ZNF804B: variants seen among roughly 807,000 people sequenced by gnomAD.
ZNF804B encodes the protein zinc finger 804B.
In ZNF804B, 80 loss-of-function variants were observed where a neutral mutation model predicts 101.4. That is an observed-to-expected ratio of 0.79 (90% CI 0.66 to 0.95). The LOEUF is 0.95. Among genes scored for constraint, ZNF804B ranks in the 40% least tolerant of loss-of-function variants. The pLI is 0.00. For synonymous variants in ZNF804B, 622 were observed against 558.8 expected, an observed-to-expected ratio of 1.11 and a Z score of -1.59; for missense variants, 1,673 against 1,561.9, an observed-to-expected ratio of 1.07 and a Z score of -1.20.
At chr7:89,248,600 A>G (rs1215266326) in intron 2 of ZNF804B, among the ~76,000 whole-genome samples, 1 of 152,190 alleles carries the variant, frequency 6.6e-6, no homozygotes, top group Non-Finnish European at 1.5e-5. Flanking sequence ...AAGGCAATTT[A>G]TAATCACTAG....
chr7:88,817,330 T>A (rs1390793579), intron 1 of ZNF804B, among the ~76,000 whole-genome samples: 1 of 152,094 alleles, frequency 6.6e-6, no homozygotes, highest in African/African-American at 2.4e-5. Context: ...TGTATACATA[T>A]GTAACAAACC....
chr7:88,808,671 A>G lies in ZNF804B; in HGVS notation c.108+48587A>G, dbSNP rs184718131. Among the ~76,000 whole-genome samples the G allele has an allele frequency of 8.5e-5, 13 of 152,286 alleles. No individual in the cohort carries two copies. In the East Asian group the frequency reaches 2.1e-3, roughly 25 times the overall value. On this transcript the variant is annotated intron_variant, in intron 1 of 3. Transcript: ENST00000333190. ...AGCTGTGAAAAATATGTAAAATACA[A>G]TGAAATTTTGGTCCTCCTGGAAAAG...
chr7:88,794,096 A>T, intron 1 of ZNF804B: 1 of 1,112,380 alleles, frequency 9.0e-7, no homozygotes, highest in Non-Finnish European at 1.3e-6. Flanking sequence ...TTTCTTTTAA[A>T]AGACACCAGT....
At chr7:88,885,229 G>A (rs1792108385) in intron 1 of ZNF804B, among the ~76,000 whole-genome samples, 1 of 151,846 alleles carries the variant, frequency 6.6e-6, no homozygotes, top group African/African-American at 2.4e-5. Context: ...CTTCCTCAGA[G>A]CAGGAATTTT....
intron 1 of ZNF804B, among the ~76,000 whole-genome samples, chr7:89,204,555 T>C (rs1404722471): frequency 6.6e-6 from 1 of 152,136 alleles, no homozygotes; most frequent in Non-Finnish European, 1.5e-5. Context: ...AGGTCCTGCT[T>C]TTCCGGAGGG....
chr7:89,175,897 C>G (rs1791310067), intron 1 of ZNF804B, among the ~76,000 whole-genome samples: 1 of 151,738 alleles, frequency 6.6e-6, no homozygotes, highest in Admixed American at 6.6e-5. Flanking sequence ...ACCAATTTTT[C>G]TATAATGACT....
chr7:88,936,111 T>A (rs10245027), intron 1 of ZNF804B, among the ~76,000 whole-genome samples: 14,861 of 144,346 alleles, frequency 0.1, 1,068 homozygotes, highest in East Asian at 0.21. Context: ...CTTTTTTTTT[T>A]TAAAAAAAAT....
rs1792574867 is a variant in ZNF804B, at chr7:88,913,177, TTTC to T, written c.108+153094_108+153096del. Among the ~76,000 whole-genome samples, 5 of 152,310 alleles carry T rather than the reference TTTC, an allele frequency of 3.3e-5. No homozygotes were observed. In the South Asian group the frequency reaches 1.0e-3, roughly 32 times the overall value. ...TGGCATATATTCTCATTTATTTAAT[TTTC>T]ACTTTGCTGTATGATTCCTACCAGT... On this transcript the variant is annotated intron_variant, in intron 1 of 3. Coordinates refer to ENST00000333190, the MANE Select transcript of ZNF804B (RefSeq NM_181646.5).
chr7:89,152,394 T>C (rs917158449), intron 1 of ZNF804B, among the ~76,000 whole-genome samples: 1 of 151,978 alleles, frequency 6.6e-6, no homozygotes, highest in Non-Finnish European at 1.5e-5. Context: ...AAGGAAACAG[T>C]TGTCAGAAGT....
In ZNF804B at chr7:89,070,640, G is replaced by A. The variant is rs1412252029; in HGVS notation, c.109-147515G>A. On this transcript the variant is annotated intron_variant, in intron 1 of 3. Transcript: ENST00000333190. Reference sequence around the variant, plus strand: ...CCTTGTTTTGTTGTGAAGACAGAATGAGATGCAGCATGTAGCAATTCTAAC... The same window carrying A: ...CCTTGTTTTGTTGTGAAGACAGAATAAGATGCAGCATGTAGCAATTCTAAC... 3.9e-5 allele frequency among the ~76,000 whole-genome samples: 6 copies of A among 152,160 alleles called. No homozygotes were observed. In the East Asian group the frequency reaches 7.7e-4, roughly 20 times the overall value.
Position 88,859,303 on chromosome 7 carries a change from A to G in ZNF804B, c.108+99219A>G, listed in dbSNP as rs59352665. Among the ~76,000 whole-genome samples the G allele has an allele frequency of 2.0e-5, 3 of 152,240 alleles. No individual in the cohort carries two copies. In the East Asian group the frequency reaches 5.8e-4, roughly 29 times the overall value. On this transcript the variant is annotated intron_variant, in intron 1 of 3. Coordinates refer to ENST00000333190, the MANE Select transcript of ZNF804B (RefSeq NM_181646.5). ...ACTTAATGACAACTCATCAGATACA[A>G]CTAATGAGTTTAGCAGAAAAATTGG...
At chr7:89,182,848 AT>A (rs955044179) in intron 1 of ZNF804B, among the ~76,000 whole-genome samples, 1 of 152,114 alleles carries the variant, frequency 6.6e-6, no homozygotes, top group African/African-American at 2.4e-5. Flanking sequence ...AGGGGAAGAT[AT>A]TTTTTCAAAA....
chr7:88,838,783 T>C (rs1234335828), intron 1 of ZNF804B, among the ~76,000 whole-genome samples: 1 of 151,946 alleles, frequency 6.6e-6, no homozygotes, highest in Non-Finnish European at 1.5e-5. Flanking sequence ...AAAGAACTTT[T>C]GTGAGTTCCT....
At chr7:89,191,561 A>G (rs1788455531) in intron 1 of ZNF804B, among the ~76,000 whole-genome samples, 1 of 152,160 alleles carries the variant, frequency 6.6e-6, no homozygotes, top group Non-Finnish European at 1.5e-5. Context: ...GGTTATGACT[A>G]GAGGGTATCG....
chr7:89,020,893 A>G (rs1788656162), intron 1 of ZNF804B, among the ~76,000 whole-genome samples: 1 of 152,060 alleles, frequency 6.6e-6, no homozygotes, highest in Non-Finnish European at 1.5e-5. Context: ...TTAATTATCT[A>G]TATTATATCG....
chr7:88,981,218 A>G (rs1298424658), intron 1 of ZNF804B, among the ~76,000 whole-genome samples: 1 of 152,030 alleles, frequency 6.6e-6, no homozygotes, highest in Non-Finnish European at 1.5e-5. Flanking sequence ...TCAGAAGATG[A>G]TAAATCCTGC....
intron 1 of ZNF804B, among the ~76,000 whole-genome samples, chr7:89,120,623 A>G (rs1050513241): frequency 7.2e-6 from 1 of 139,138 alleles, no homozygotes; most frequent in South Asian, 2.2e-4. Context: ...GCGCCACTGC[A>G]CTCCAGCCTG....
At chr7:89,233,928 T>C (rs867638003) in intron 2 of ZNF804B, among the ~76,000 whole-genome samples, 1 of 152,206 alleles carries the variant, frequency 6.6e-6, no homozygotes, top group South Asian at 2.1e-4. Flanking sequence ...CTGCCAGTTT[T>C]TTCTTAAGAA....
intron 1 of ZNF804B, among the ~76,000 whole-genome samples, chr7:88,761,413 A>T (rs1237564930): frequency 1.3e-5 from 2 of 152,180 alleles, no homozygotes; most frequent in Non-Finnish European, 2.9e-5. Context: ...GCAGAGTTCT[A>T]GTTTAATAAA....
Sources: gnomAD v4.1 joint callset for allele counts (sites outside exome capture counted in the v4.1 genomes callset) on GRCh38, gnomAD v4.1.1 for gene constraint, MANE v1.5 for transcripts, NCBI Gene and HGNC (gene_info 2026-07-23, HGNC 2026-07-21) for gene names.